MPP7: variants seen among roughly 807,000 people sequenced by gnomAD.
The protein encoded by MPP7 is MAGUK p55 subfamily member 7.
MPP7 carries 60 observed loss-of-function variants against 76.5 expected under a neutral mutation model. The ratio of observed to expected loss-of-function variants is 0.78; its 90% CI spans 0.64 to 0.97. The LOEUF (loss-of-function observed/expected upper bound fraction) is 0.97, where lower values mean the gene tolerates loss of function less well. Among genes scored for constraint, MPP7 ranks in the 50% least tolerant of loss-of-function variants. The probability of loss-of-function intolerance (pLI) is 0.00; values close to 1 mark genes in which losing one functional copy is unlikely to be tolerated. For missense variants in MPP7, 641 were observed against 694.0 expected (o/e 0.92, Z 0.86); for synonymous variants, 237 against 244.5 (o/e 0.97, Z 0.29).
chr10:28,057,386 T>C (rs1299059994), intron 15 of MPP7, among the ~76,000 whole-genome samples: 1 of 152,130 alleles, frequency 6.6e-6, no homozygotes, highest in South Asian at 2.1e-4. Flanking sequence ...CTTGGTGCTG[T>C]CATCACAATA....
In MPP7 at chr10:28,051,588, G is replaced by A. The variant is rs928029065; in HGVS notation, c.*2477C>T. On this transcript the variant is annotated 3_prime_UTR_variant, in exon 17 of 17. Coordinates refer to ENST00000683449, the MANE Select transcript of MPP7 (RefSeq NM_001318170.2). ...AACTTAGGGAGCTGGCTTCTGGAGG[G>A]AGGAGTGCTATTCTCCTTGCTGGAG... is the stretch of plus-strand genomic sequence containing the variant. 6.6e-6 allele frequency: 1 copy of A among 152,110 alleles called. No individual in the cohort carries two copies. Among genetic ancestry groups the A allele is most frequent in the Non-Finnish European group, 1.5e-5 (1 of 68,012 alleles). The allele number at this position is 152,110 out of a possible 1,614,324, so 9.4% of individuals were successfully genotyped here. A position where few individuals can be genotyped will look rare whatever the true frequency, so the allele number is the denominator to read the frequency against.
rs142836248 is a variant in MPP7, at chr10:28,191,360, G to A, written c.156+10793C>T. ...AAGGAAGGAGAATTACAGCCTAACC[G>A]TACTTACAAACAGAGATGCAAAAAA... On this transcript the variant is annotated intron_variant, in intron 3 of 16. Coordinates refer to ENST00000683449, the MANE Select transcript of MPP7 (RefSeq NM_001318170.2). 3.3e-4 allele frequency among the ~76,000 whole-genome samples: 50 copies of A among 152,176 alleles called. No individual in the cohort carries two copies. The East Asian group carries it at 7.9e-3, about 24-fold the overall frequency.
intron 1 of MPP7, among the ~76,000 whole-genome samples, chr10:28,256,497 A>G (rs1241546726): frequency 6.6e-6 from 1 of 152,186 alleles, no homozygotes; most frequent in African/African-American, 2.4e-5. Context: ...AAACTGACTA[A>G]GCATCATTAG....
At position 28,171,249 on chromosome 10, in the gene MPP7, T is replaced by G. The variant is rs147313762; in HGVS notation, c.157-21190A>C. Among the ~76,000 whole-genome samples, 620 of 152,338 alleles carry G rather than the reference T, an allele frequency of 4.1e-3. 4 individuals are homozygous for G. Among genetic ancestry groups the G allele is most frequent in the African/African-American group, 0.014 (600 of 41,584 alleles). ...AATTACATTGTTTTAACTTGCTTTTTAGCCAATTTTCTCAAAAAAGAAAAC... is the reference window on the plus strand; with the variant it reads ...AATTACATTGTTTTAACTTGCTTTTGAGCCAATTTTCTCAAAAAAGAAAAC... On this transcript the variant is annotated intron_variant, in intron 3 of 16. Transcript: ENST00000683449.
chr10:28,125,594 TA>T (rs551486150), intron 6 of MPP7, among the ~76,000 whole-genome samples: 12 of 150,638 alleles, frequency 8.0e-5, no homozygotes, highest in African/African-American at 2.5e-4. Context: ...GTTATCATAG[TA>T]AAAAAATAAA....
chr10:28,109,448 C>T (rs2133556223), intron 11 of MPP7, among the ~76,000 whole-genome samples: 1 of 152,146 alleles, frequency 6.6e-6, no homozygotes, highest in Admixed American at 6.5e-5. Flanking sequence ...TTTCCACCGT[C>T]TATCAAAAAT....
chr10:28,219,926 A>C (rs908955980), intron 2 of MPP7, among the ~76,000 whole-genome samples: 4 of 152,144 alleles, frequency 2.6e-5, no homozygotes, highest in Non-Finnish European at 4.4e-5. Flanking sequence ...TTTATTTCCA[A>C]AACTACCTAT....
rs1298817734 is a variant in MPP7 at position 28,202,214 on chromosome 10, T to C, written c.95A>G (p.Gln32Arg). The change falls in exon 3 of 17, where the codon CAG becomes CGG. Residue 32 changes from glutamine (Q) to arginine (R), a missense_variant. Physicochemically the swap from Gln to Arg is conservative, Grantham distance 43 (BLOSUM62 1). Transcript: ENST00000683449. The part of the protein sequence containing the change: ...PAQLQPHVDS[Q>R]EDLTFLWDMF... ...ATCCCAGAGGAAGGTCAGGTCTTCC[T>C]GGCTATCCACATGTGGCTGCAGCTG... is the stretch of plus-strand genomic sequence containing the variant. 6.2e-7 allele frequency: 1 copy of C among 1,613,886 alleles called. No homozygotes were observed.
At chr10:28,073,839 C>T (rs1166665626) in intron 12 of MPP7, among the ~76,000 whole-genome samples, 2 of 151,958 alleles carry the variant, frequency 1.3e-5, no homozygotes, top group Non-Finnish European at 2.9e-5. Context: ...GCCCTGTCTG[C>T]CTGCAACTCT....
chr10:28,297,908 G>C (rs1338655905), intron 1 of MPP7, among the ~76,000 whole-genome samples: 1 of 152,150 alleles, frequency 6.6e-6, no homozygotes, highest in East Asian at 1.9e-4. Context: ...TCTTCACCAA[G>C]AATAGACTCT....
At chr10:28,237,720 T>C (rs1839125031) in intron 2 of MPP7, among the ~76,000 whole-genome samples, 1 of 152,190 alleles carries the variant, frequency 6.6e-6, no homozygotes, top group African/African-American at 2.4e-5. Context: ...GGATGGCCCA[T>C]ATAAAACAGA....
Position 28,272,293 on chromosome 10 carries a change from T to C in MPP7, c.-132+30568A>G, listed in dbSNP as rs544660922. 1.4e-4 allele frequency among the ~76,000 whole-genome samples: 22 copies of C among 152,324 alleles called. No homozygotes were observed. The East Asian group carries it at 4.0e-3, about 28-fold the overall frequency. Reference sequence around the variant, plus strand: ...CAGGGAAAATTATTTGTAAAATATATACCAAAATGTGCTATTTACACAGGT... The same window carrying C: ...CAGGGAAAATTATTTGTAAAATATACACCAAAATGTGCTATTTACACAGGT... On this transcript the variant is annotated intron_variant, in intron 1 of 16. Coordinates refer to ENST00000683449, the MANE Select transcript of MPP7 (RefSeq NM_001318170.2).
chr10:28,092,125 C>T (rs1853335687), intron 11 of MPP7, among the ~76,000 whole-genome samples: 1 of 152,152 alleles, frequency 6.6e-6, no homozygotes, highest in South Asian at 2.1e-4. Context: ...ATGTGACTCA[C>T]CTTATGGATT....
chr10:28,213,421 T>C (rs1266537961), intron 2 of MPP7, among the ~76,000 whole-genome samples: 1 of 152,106 alleles, frequency 6.6e-6, no homozygotes, highest in East Asian at 1.9e-4. Flanking sequence ...TCCCTGAAGA[T>C]TGTTTCGCTA....
chr10:28,258,383 TA>T (rs1839852503), intron 1 of MPP7, among the ~76,000 whole-genome samples: 1 of 56,960 alleles, frequency 1.8e-5, no homozygotes, highest in Non-Finnish European at 3.2e-5. Context: ...TATTAAATAT[TA>T]TATATATATA....
chr10:28,152,736 A>G (rs1243716610), intron 3 of MPP7, among the ~76,000 whole-genome samples: 1 of 152,198 alleles, frequency 6.6e-6, no homozygotes, highest in Non-Finnish European at 1.5e-5. Flanking sequence ...TATGCAGTCT[A>G]TAATTTCTCT....
Position 28,326,173 on chromosome 10 carries a change from T to A in MPP7, c.-132+3756A>T, listed in dbSNP as rs539536396. Among the ~76,000 whole-genome samples, 25 of 152,184 alleles carry A rather than the reference T, an allele frequency of 1.6e-4. 1 individual carries two copies. Among genetic ancestry groups the A allele is most frequent in the Non-Finnish European group, 2.2e-4 (15 of 68,038 alleles). The stretch of plus-strand genomic sequence containing the variant: ...TAGACGTGATAATGCAGAGAAACGT[T>A]TTTCAGGTGTGAAAATCTCTTATTT... On this transcript the variant is annotated intron_variant, in intron 2 of 11. Coordinates refer to the MPP7 transcript ENST00000441595.
intron 2 of MPP7, among the ~76,000 whole-genome samples, chr10:28,215,650 T>C (rs986874745): frequency 6.6e-6 from 1 of 152,146 alleles, no homozygotes; most frequent in African/African-American, 2.4e-5. Flanking sequence ...GGCTCATGCT[T>C]AGACTCTAGA....
intron 2 of MPP7, among the ~76,000 whole-genome samples, chr10:28,221,427 G>A (rs1233191677): frequency 1.3e-5 from 2 of 152,114 alleles, no homozygotes; most frequent in Non-Finnish European, 2.9e-5. Flanking sequence ...TCCAGAAGCA[G>A]ACTGGTGATG....
Sources: gnomAD v4.1 joint callset for allele counts (sites outside exome capture counted in the v4.1 genomes callset) on GRCh38, gnomAD v4.1.1 for gene constraint, MANE v1.5 for transcripts, NCBI Gene and HGNC (gene_info 2026-07-23, HGNC 2026-07-21) for gene names.